PHACTR3: variants seen among roughly 807,000 people sequenced by gnomAD.
PHACTR3 encodes protein phosphatase 1, regulatory subunit 123.
In PHACTR3, 16 loss-of-function variants were observed where a neutral mutation model predicts 66.8. The ratio of observed to expected loss-of-function variants is 0.24; its 90% CI spans 0.16 to 0.36. PHACTR3 has a LOEUF of 0.36. Ranked by LOEUF, PHACTR3 falls within the 10% of genes least tolerant of loss-of-function variation. The probability of loss-of-function intolerance (pLI) is 1.00; values close to 1 mark genes in which losing one functional copy is unlikely to be tolerated. For missense variants in PHACTR3, 647 were observed against 719.9 expected, an observed-to-expected ratio of 0.90 and a Z score of 1.16; for synonymous variants, 323 against 292.1, an observed-to-expected ratio of 1.11 and a Z score of -1.08.
At position 59,759,077 on chromosome 20, in the gene PHACTR3, A is replaced by G. The variant is rs768304301; in HGVS notation, c.541+3713A>G. ...CTTGGAAAGGGACGCACTAACACGC[A>G]TTATTTAGCTGCCTACAGATGCTCC... On this transcript the variant is annotated intron_variant, in intron 4 of 12. Coordinates refer to ENST00000371015, the MANE Select transcript of PHACTR3 (RefSeq NM_080672.5). 4.2e-4 allele frequency among the ~76,000 whole-genome samples: 64 copies of G among 152,278 alleles called. 1 individual carries two copies. Among genetic ancestry groups the G allele is most frequent in the Non-Finnish European group, 2.4e-4 (16 of 68,028 alleles).
At chr20:59,624,721 C>A (rs1316537960) in intron 1 of PHACTR3, among the ~76,000 whole-genome samples, 1 of 152,154 alleles carries the variant, frequency 6.6e-6, no homozygotes, top group African/African-American at 2.4e-5. Flanking sequence ...CCTGCTGGAG[C>A]CCCCTAACTC....
chr20:59,636,638 G>A (rs2034910826), intron 1 of PHACTR3, among the ~76,000 whole-genome samples: 1 of 152,146 alleles, frequency 6.6e-6, no homozygotes, highest in African/African-American at 2.4e-5. Context: ...AATTTCCCCA[G>A]CTCTCAAATG....
At chr20:59,639,051 AGATGGATAGATG>A (rs1221958104) in intron 1 of PHACTR3, among the ~76,000 whole-genome samples, 1 of 120,984 alleles carries the variant, frequency 8.3e-6, no homozygotes, top group African/African-American at 3.3e-5. Flanking sequence ...GGATAAATGG[AGATGGATAGATG>A]GATGGATGGA....
At chr20:59,633,729 G>T (rs1444427684) in intron 1 of PHACTR3, among the ~76,000 whole-genome samples, 1 of 152,064 alleles carries the variant, frequency 6.6e-6, no homozygotes, top group East Asian at 1.9e-4. Flanking sequence ...TCATGGAAAA[G>T]GTATTCTCAG....
intron 1 of PHACTR3, among the ~76,000 whole-genome samples, chr20:59,724,722 T>C (rs542493079): frequency 6.6e-6 from 1 of 152,318 alleles, no homozygotes; most frequent in South Asian, 2.1e-4. Flanking sequence ...TTTCAGGAAG[T>C]TTCTCCAGTT....
At chr20:59,805,998 C>A in intron 7 of PHACTR3, 43 bp from the exon 8 acceptor site, 1 of 1,591,996 alleles carries the variant, frequency 6.3e-7, no homozygotes, top group Non-Finnish European at 8.5e-7. Context: ...AGACCTGTCT[C>A]CTTTGTTCCC....
chr20:59,769,591 G>C (rs1394044614), intron 5 of PHACTR3, among the ~76,000 whole-genome samples: 1 of 152,228 alleles, frequency 6.6e-6, no homozygotes, highest in Non-Finnish European at 1.5e-5. Context: ...TACACGCCTT[G>C]TCTGTTGGAT....
chr20:59,805,692 A>G (rs374982200), intron 7 of PHACTR3, among the ~76,000 whole-genome samples: 43 of 152,320 alleles, frequency 2.8e-4, no homozygotes, highest in African/African-American at 9.9e-4. Context: ...CCATGGGGAA[A>G]GTCACTGTGT....
chr20:59,704,143 G>A (rs192152240), intron 1 of PHACTR3, among the ~76,000 whole-genome samples: 1 of 152,260 alleles, frequency 6.6e-6, no homozygotes, highest in East Asian at 1.9e-4. Context: ...AAGGGAACAA[G>A]TGGCCTTCCC....
At chr20:59,648,101 C>T (rs1299584099) in intron 1 of PHACTR3, among the ~76,000 whole-genome samples, 2 of 152,220 alleles carry the variant, frequency 1.3e-5, no homozygotes, top group East Asian at 3.8e-4. Flanking sequence ...GCTTCACCAT[C>T]AAAGGTATTT....
intron 1 of PHACTR3, among the ~76,000 whole-genome samples, chr20:59,630,078 A>G (rs981097404): frequency 2.0e-5 from 3 of 152,238 alleles, no homozygotes; most frequent in African/African-American, 7.2e-5. Context: ...GATTAGTGTC[A>G]ATCATGACAC....
At chr20:59,708,438 A>G (rs927265750) in intron 1 of PHACTR3, among the ~76,000 whole-genome samples, 1 of 152,220 alleles carries the variant, frequency 6.6e-6, no homozygotes, top group Admixed American at 6.5e-5. Context: ...CCTGGCTGGG[A>G]AAGCATCCGC....
chr20:59,589,649 C>T (rs544262029), intron 1 of PHACTR3, among the ~76,000 whole-genome samples: 1 of 152,266 alleles, frequency 6.6e-6, no homozygotes, highest in African/African-American at 2.4e-5. Context: ...GCTCCACGGA[C>T]TCTGCTGGGA....
chr20:59,773,225 C>G (rs2040413586), intron 5 of PHACTR3, 54 bp from the exon 6 acceptor site: 2 of 1,567,534 alleles, frequency 1.3e-6, no homozygotes, highest in East Asian at 4.5e-5. Context: ...CAGCAAAACC[C>G]TTGGTCCCAG....
chr20:59,661,158 A>G (rs1161925721), intron 1 of PHACTR3, among the ~76,000 whole-genome samples: 1 of 152,244 alleles, frequency 6.6e-6, no homozygotes, highest in Non-Finnish European at 1.5e-5. Flanking sequence ...TGATTAGCAG[A>G]AGGGCACGCC....
chr20:59,822,062 T>TC (rs1442067539), intron 8 of PHACTR3, among the ~76,000 whole-genome samples: 80 of 48,972 alleles, frequency 1.6e-3, no homozygotes, highest in Middle Eastern at 0.014. Context: ...TCCCCAGCGA[T>TC]CCGCCCCGCA....
chr20:59,827,918 G>C (rs540384415), intron 8 of PHACTR3, among the ~76,000 whole-genome samples: 2 of 152,266 alleles, frequency 1.3e-5, no homozygotes, highest in South Asian at 4.1e-4. Flanking sequence ...CAGCCGTTCT[G>C]TTGCCTTTTG....
intron 1 of PHACTR3, among the ~76,000 whole-genome samples, chr20:59,582,849 C>T (rs2032901807): frequency 6.6e-6 from 1 of 152,148 alleles, no homozygotes; most frequent in Non-Finnish European, 1.5e-5. Context: ...CGTGTCCTGT[C>T]TGTTGTGTGT....
At position 59,738,766 on chromosome 20, in the gene PHACTR3, G is replaced by A. The variant is rs1014285471; in HGVS notation, c.119-4341G>A. On this transcript the variant is annotated intron_variant, in intron 1 of 12. Transcript: ENST00000371015. The surrounding 1 kb of genome is among the most constrained non-coding windows in gnomAD (Gnocchi z 4.4). The stretch of plus-strand genomic sequence containing the variant: ...ATGTGTGTTTCTGGTGATTGCTGCC[G>A]ATCCTTTGTGAAGGAGGTGAGATAT... Among the ~76,000 whole-genome samples, 2 of 152,086 alleles carry A rather than the reference G, an allele frequency of 1.3e-5. No homozygotes were observed. Among genetic ancestry groups the A allele is most frequent in the African/African-American group, 2.4e-5 (1 of 41,418 alleles).
Sources: allele counts gnomAD v4.1 joint callset (sites outside exome capture counted in the v4.1 genomes callset), GRCh38; gene constraint gnomAD v4.1.1; non-coding constraint Gnocchi (gnomAD v3.1); transcripts MANE v1.5; gene names NCBI Gene and HGNC (gene_info 2026-07-23, HGNC 2026-07-21).